Variants in SCIN observed in about 807,000 individuals in gnomAD.
SCIN encodes adseverin.
In SCIN, 91 loss-of-function variants were observed where a neutral mutation model predicts 91.8. The observed-to-expected ratio is 0.99, with a 90% CI of 0.84 to 1.18. SCIN has a LOEUF of 1.18. SCIN is among the 50% of genes most tolerant of loss of function. The pLI, the probability that SCIN is intolerant of heterozygous loss-of-function variation, is 0.00. For missense variants in SCIN, 1,087 were observed against 863.9 expected, an observed-to-expected ratio of 1.26 and a Z score of -3.24; for synonymous variants, 367 against 312.6, an observed-to-expected ratio of 1.17 and a Z score of -1.84.
intron 3 of SCIN, 127 bp downstream of exon 3, chr7:12,581,348 C>A: frequency 1.2e-6 from 1 of 861,624 alleles, no homozygotes; most frequent in Non-Finnish European, 1.7e-6. Context: ...TTTATGTGAG[C>A]TGAGTAATTG....
intron 13 of SCIN, among the ~76,000 whole-genome samples, chr7:12,647,153 A>G (rs1297298267): frequency 1.3e-5 from 2 of 152,180 alleles, no homozygotes. Flanking sequence ...ATAAGTACCT[A>G]GGCTTTGTTC....
intron 3 of SCIN, among the ~76,000 whole-genome samples, chr7:12,584,008 A>G (rs1314962369): frequency 1.3e-5 from 2 of 152,150 alleles, no homozygotes; most frequent in African/African-American, 4.8e-5. Flanking sequence ...CAAAAGGGAT[A>G]CCCTGGTGAG....
Position 12,657,134 on chromosome 7 carries a change from C to T in SCIN, c.*4419C>T, listed in dbSNP as rs1784176568. The T allele has an allele frequency of 1.3e-5, 2 of 150,668 alleles. No homozygotes were observed. The highest frequency in any genetic ancestry group is 1.3e-4 in the Admixed American group (2 of 15,094). The allele number at this position is 150,668 out of a possible 1,614,324, so 9.3% of individuals were successfully genotyped here. ...CTACTAAAATGAACATACACATATC[C>T]TATAATCCAGAAATCCCACTCCATG... On this transcript the variant is annotated 3_prime_UTR_variant, in exon 16 of 16. Transcript: ENST00000297029.
At chr7:12,582,087 A>T (rs1303421435) in intron 3 of SCIN, among the ~76,000 whole-genome samples, 2 of 152,202 alleles carry the variant, frequency 1.3e-5, no homozygotes, top group Non-Finnish European at 2.9e-5. Context: ...CAAACGTTGT[A>T]ACGGAGTCAT....
intron 9 of SCIN, among the ~76,000 whole-genome samples, chr7:12,632,088 T>TATTTA (rs1311333594): frequency 2.2e-5 from 1 of 45,118 alleles, no homozygotes. Flanking sequence ...GTTTTCATTT[T>TATTTA]ATTTTATTTT....
rs1396452860 is a variant in SCIN at position 12,659,869 on chromosome 7, A to AG, written c.*7155dup. 6.0e-6 allele frequency: 1 copy of AG among 167,096 alleles called. No homozygotes were observed. The highest frequency in any genetic ancestry group is 2.4e-5 in the African/African-American group (1 of 41,760). The allele number at this position is 167,096 out of a possible 1,614,324, so 10.4% of individuals were successfully genotyped here. On this transcript the variant is annotated 3_prime_UTR_variant, in exon 16 of 16. Transcript: ENST00000297029. ...CATCCAGATGGCCTGAAGCAATTGA[A>AG]GATCTACAAAAGAAGTGAAAATTAC... is the stretch of plus-strand genomic sequence containing the variant.
intron 3 of SCIN, chr7:12,595,836 G>A (rs117546728): frequency 0.017 from 2,550 of 152,442 alleles, 36 homozygotes; most frequent in Admixed American, 0.026. Context: ...TCAAGAAAAT[G>A]TCTAAAGATG....
chr7:12,650,971 A>G (rs1784067606), intron 14 of SCIN, among the ~76,000 whole-genome samples: 3 of 152,194 alleles, frequency 2.0e-5, no homozygotes, highest in African/African-American at 7.2e-5. Context: ...TGTAAGGGCC[A>G]AGGGAAAATT....
intron 2 of SCIN, among the ~76,000 whole-genome samples, chr7:12,578,652 C>G (rs1435460388): frequency 2.0e-5 from 3 of 151,874 alleles, no homozygotes; most frequent in African/African-American, 7.3e-5. Flanking sequence ...TATATTAATA[C>G]AGTATTTATA....
At chr7:12,579,758 A>C (rs1782450363) in intron 2 of SCIN, among the ~76,000 whole-genome samples, 1 of 152,190 alleles carries the variant, frequency 6.6e-6, no homozygotes, top group Non-Finnish European at 1.5e-5. Context: ...TACTAAAAAT[A>C]CAAAATTTAA....
At position 12,640,433 on chromosome 7, in the gene SCIN, A is replaced by C. The variant is rs1375097209; in HGVS notation, c.1497A>C (p.Ser499=). The change falls in exon 11 of 16, where the codon TCA becomes TCC. Residue 499 remains serine (S), a synonymous_variant. Transcript: ENST00000297029. ...TCATTATTTACAAGAATGGAACATC[A>C]AAGAAAGGAGGTCAGGCACCTGCTC... The part of the protein sequence containing the change: ...KPLIIYKNGT[S]KKGGQAPAPP... 6.2e-7 allele frequency: 1 copy of C among 1,613,474 alleles called. No homozygotes were observed. The highest frequency in any genetic ancestry group is 8.5e-7 in the Non-Finnish European group (1 of 1,179,732).
At chr7:12,626,468 T>G in intron 7 of SCIN, 116 bp from the exon 8 acceptor site, 1 of 811,748 alleles carries the variant, frequency 1.2e-6, no homozygotes, top group Non-Finnish European at 1.9e-6. Context: ...TATATGAGCT[T>G]GATAGCTAAA....
chr7:12,614,062 T>C (rs1228358181), intron 4 of SCIN, among the ~76,000 whole-genome samples: 1 of 152,182 alleles, frequency 6.6e-6, no homozygotes, highest in Non-Finnish European at 1.5e-5. Context: ...AGAGTGCATG[T>C]AGAGAAGACA....
At chr7:12,585,224 C>T (rs1431189383) in intron 3 of SCIN, among the ~76,000 whole-genome samples, 1 of 152,122 alleles carries the variant, frequency 6.6e-6, no homozygotes, top group African/African-American at 2.4e-5. Context: ...CCTGGTAAAT[C>T]CGGTGGACAC....
chr7:12,640,266 C>A, intron 10 of SCIN, 81 bp from the exon 11 acceptor site: 2 of 1,235,574 alleles, frequency 1.6e-6, no homozygotes, highest in Non-Finnish European at 1.1e-6. Flanking sequence ...AAAAAGACAA[C>A]ATAAGAACAC....
intron 1 of SCIN, 181 bp downstream of exon 1, chr7:12,571,166 T>C: frequency 1.5e-6 from 1 of 664,014 alleles, no homozygotes; most frequent in Non-Finnish European, 2.5e-6. Context: ...ACTCGCCGGC[T>C]GCAAACGCGG....
At chr7:12,575,563 T>G (rs949893804) in intron 1 of SCIN, among the ~76,000 whole-genome samples, 3 of 152,170 alleles carry the variant, frequency 2.0e-5, no homozygotes, top group African/African-American at 7.2e-5. Flanking sequence ...CATGAATGGC[T>G]GTTGGATTAA....
chr7:12,632,154 A>G (rs112567743), intron 9 of SCIN, among the ~76,000 whole-genome samples: 48 of 142,250 alleles, frequency 3.4e-4, no homozygotes, highest in African/African-American at 1.3e-3. Flanking sequence ...ATTTTAGACA[A>G]AGTCTCACTC....
At chr7:12,588,660 T>C (rs916291092) in intron 3 of SCIN, among the ~76,000 whole-genome samples, 1 of 151,722 alleles carries the variant, frequency 6.6e-6, no homozygotes, top group South Asian at 2.1e-4. Flanking sequence ...TACAAGAGGG[T>C]GTAACTTAGG....
Sources: gnomAD v4.1 joint callset for allele counts (sites outside exome capture counted in the v4.1 genomes callset) on GRCh38, gnomAD v4.1.1 for gene constraint, MANE v1.5 for transcripts, NCBI Gene and HGNC (gene_info 2026-07-23, HGNC 2026-07-21) for gene names.